DDX19B: variants seen among roughly 807,000 people sequenced by gnomAD.
The protein encoded by DDX19B is DEAD-box helicase 19B, also known as ATP-dependent RNA helicase DDX19B.
DDX19B carries 27 observed loss-of-function variants against 58.1 expected under a neutral mutation model. The observed-to-expected ratio is 0.46, with a 90% confidence interval of 0.34 to 0.64. The LOEUF is 0.64. Among genes scored for constraint, DDX19B ranks in the 30% least tolerant of loss-of-function variants. DDX19B has a pLI of 0.01. For synonymous variants in DDX19B, 187 were observed against 214.4 expected (o/e 0.87, Z 1.12); for missense variants, 399 against 596.5 (o/e 0.67, Z 3.45).
intron 1 of DDX19B, among the ~76,000 whole-genome samples, chr16:70,308,862 T>G (rs1251221845): frequency 1.3e-5 from 2 of 151,972 alleles, no homozygotes; most frequent in African/African-American, 2.4e-5. Context: ...TGTGCATGTT[T>G]GTTACATAGG....
chr16:70,303,051 C>T (rs1392106282), intron 1 of DDX19B, among the ~76,000 whole-genome samples: 3 of 152,180 alleles, frequency 2.0e-5, no homozygotes, highest in Non-Finnish European at 4.4e-5. Context: ...CTTTTCAAAC[C>T]TTTTGCCCAT....
At chr16:70,290,893 T>C (rs1019601235), upstream of DDX19B, among the ~76,000 whole-genome samples, 4 of 152,322 alleles carry the variant, frequency 2.6e-5, no homozygotes, top group South Asian at 8.3e-4. Flanking sequence ...CCAAAGCCCA[T>C]GCTCTTAACC....
upstream of DDX19B, among the ~76,000 whole-genome samples, chr16:70,297,362 A>C (rs996260684): frequency 6.6e-6 from 1 of 151,790 alleles, no homozygotes; most frequent in Admixed American, 6.6e-5. Flanking sequence ...ACAGGTGTGC[A>C]CCACCATGCT....
At chr16:70,304,306 T>C (rs1364024432) in intron 1 of DDX19B, among the ~76,000 whole-genome samples, 1 of 150,658 alleles carries the variant, frequency 6.6e-6, no homozygotes, top group Non-Finnish European at 1.5e-5. Context: ...CCCAAAGTGC[T>C]TGATTACAGG....
At chr16:70,332,308 T>C (rs1348016839) in intron 10 of DDX19B, among the ~76,000 whole-genome samples, 1 of 152,198 alleles carries the variant, frequency 6.6e-6, no homozygotes, top group East Asian at 1.9e-4. Flanking sequence ...AATGTATTTA[T>C]TTATTTTTTT....
upstream of DDX19B, among the ~76,000 whole-genome samples, chr16:70,297,255 C>T (rs1358188940): frequency 6.6e-6 from 1 of 151,680 alleles, no homozygotes. Context: ...ACTCGTCGCC[C>T]AGGCTGCAGT....
rs375232140 is a variant in DDX19B, at chr16:70,312,654, A to G, written c.103A>G (p.Asn35Asp). The change falls in exon 2 of 12, where the codon AAT (asparagine) becomes GAT (aspartate). Residue 35 changes from asparagine to aspartate, a missense_variant. Around this residue, in one of 4 missense-constraint regions of DDX19B, gnomAD observed 132 missense variants for 159.4 expected, o/e 0.83. Coordinates refer to ENST00000288071, the MANE Select transcript of DDX19B (RefSeq NM_007242.7). ...GGAAGAGAAAATCAAACCAGATACC[A>G]ATGGTAAGTAACTAATAGCTAGTTT... ...LKEEKIKPDT[N>D]GAVVKTNANA... 1.6e-5 allele frequency: 25 copies of G among 1,610,460 alleles called. No homozygotes were observed. The African/African-American group carries it at 3.1e-4, about 20-fold the overall frequency.
At chr16:70,298,480 C>T (rs1306415802), upstream of DDX19B, among the ~76,000 whole-genome samples, 1 of 151,704 alleles carries the variant, frequency 6.6e-6, no homozygotes, top group Non-Finnish European at 1.5e-5. Context: ...AATTATTTTA[C>T]TATTTTAATT....
chr16:70,300,844 A>C (rs566537495), intron 1 of DDX19B, among the ~76,000 whole-genome samples: 13 of 152,242 alleles, frequency 8.5e-5, no homozygotes, highest in Middle Eastern at 3.4e-3. Context: ...ACTTTTCTAT[A>C]AAATTTATTT....
In DDX19B at chr16:70,333,169, G is replaced by C. The variant is rs754968979; in HGVS notation, c.1378+10G>C. The C allele has an allele frequency of 7.3e-7, 1 of 1,374,574 alleles. No individual in the cohort carries two copies. The highest frequency in any genetic ancestry group is 1.4e-5 in the South Asian group (1 of 71,506). The allele number at this position is 1,374,574 out of a possible 1,614,324, so 85.1% of individuals were successfully genotyped here. The stretch of plus-strand genomic sequence containing the variant: ...ATCCAGGAGCATTTTAGTGAGTCCC[G>C]GGGAGGGTCCTGTGCCTGGCGCCCT... On this transcript the variant is annotated intron_variant, in intron 11 of 11. Coordinates refer to ENST00000288071, the MANE Select transcript of DDX19B (RefSeq NM_007242.7).
intron 5 of DDX19B, among the ~76,000 whole-genome samples, chr16:70,321,697 G>A (rs1472398251): frequency 6.6e-6 from 1 of 152,166 alleles, no homozygotes; most frequent in African/African-American, 2.4e-5. Flanking sequence ...TTAAAAGTGG[G>A]TAAAAGGGCA....
At position 70,331,852 on chromosome 16, in the gene DDX19B, A is replaced by T; in HGVS notation, c.1154A>T (p.Lys385Met). The change falls in exon 10 of 12, where the codon AAG (lysine) becomes ATG (methionine). Residue 385 changes from lysine (K) to methionine (M), a missense_variant. By Grantham distance (95) the Lys-to-Met change is moderately conservative. Around this residue, in one of 4 missense-constraint regions of DDX19B, gnomAD observed 198 missense variants for 345.9 expected, o/e 0.57. Transcript: ENST00000288071. ...VIERFREGKE[K>M]VLVTTNVCAR... ...GAGCGCTTCCGAGAGGGCAAAGAGAAGGTTTTGGTGACCACCAACGTGTGT... is the reference window on the plus strand; with the variant it reads ...GAGCGCTTCCGAGAGGGCAAAGAGATGGTTTTGGTGACCACCAACGTGTGT... 1 of 1,614,096 alleles carries T rather than the reference A, an allele frequency of 6.2e-7. No homozygotes were observed.
chr16:70,291,899 A>T (rs1325742222), upstream of DDX19B, among the ~76,000 whole-genome samples: 6 of 151,870 alleles, frequency 4.0e-5, no homozygotes, highest in Non-Finnish European at 8.8e-5. Flanking sequence ...TGTAATCCCA[A>T]CACTTTGGGA....
At chr16:70,332,848 G>A in intron 10 of DDX19B, 120 bp from the exon 11 acceptor site, 1 of 1,568,182 alleles carries the variant, frequency 6.4e-7, no homozygotes, top group Non-Finnish European at 8.7e-7. Context: ...TCAATGTCAT[G>A]CACGTCTCTT....
chr16:70,320,603 A>C (rs1205650370), intron 5 of DDX19B, among the ~76,000 whole-genome samples: 1 of 151,372 alleles, frequency 6.6e-6, no homozygotes, highest in Non-Finnish European at 1.5e-5. Context: ...GCTGGAGTGC[A>C]GTGGCGTGAT....
chr16:70,290,463 G>A (rs560597611), upstream of DDX19B, among the ~76,000 whole-genome samples: 3 of 152,238 alleles, frequency 2.0e-5, no homozygotes, highest in Non-Finnish European at 4.4e-5. Flanking sequence ...GGAGGCGGAA[G>A]TTGCGGTGAG....
chr16:70,330,032 G>T lies in DDX19B; in HGVS notation c.987G>T (p.Gly329=), dbSNP rs766370234. The part of the protein sequence containing the change: ...EKFQALCNLY[G]AITIAQAMIF... ...TCCAGGCCTTGTGTAACCTCTACGG[G>T]GCCATCACCATTGCTCAAGCCATGA... The change falls in exon 9 of 12, where the codon GGG becomes GGT. Residue 329 remains glycine, a synonymous_variant. Coordinates refer to ENST00000288071, the MANE Select transcript of DDX19B (RefSeq NM_007242.7). 6 of 1,613,956 alleles carry T rather than the reference G, an allele frequency of 3.7e-6. No homozygotes were observed. The highest frequency in any genetic ancestry group is 1.1e-5 in the South Asian group (1 of 91,076).
rs545014086 is a variant in DDX19B at position 70,320,235 on chromosome 16, G to C, written c.389+2647G>C. Reference sequence around the variant, plus strand: ...GCAATCCTCCTGCCTCAGCCTCCCAGGTAGCTAGGACTACAGGCACGTGCT... The same window carrying C: ...GCAATCCTCCTGCCTCAGCCTCCCACGTAGCTAGGACTACAGGCACGTGCT... On this transcript the variant is annotated intron_variant, in intron 5 of 11. Transcript: ENST00000288071. 6.6e-5 allele frequency among the ~76,000 whole-genome samples: 10 copies of C among 151,194 alleles called. No homozygotes were observed. The South Asian group carries it at 1.7e-3, about 25-fold the overall frequency.
At chr16:70,297,365 A>G (rs984207993), upstream of DDX19B, among the ~76,000 whole-genome samples, 1 of 151,950 alleles carries the variant, frequency 6.6e-6, no homozygotes, top group Non-Finnish European at 1.5e-5. Flanking sequence ...GGTGTGCACC[A>G]CCATGCTTGG....
Sources: allele counts gnomAD v4.1 joint callset (sites outside exome capture counted in the v4.1 genomes callset), GRCh38; gene constraint gnomAD v4.1.1; regional missense constraint gnomAD v4.1.1; transcripts MANE v1.5; gene names NCBI Gene and HGNC (gene_info 2026-07-23, HGNC 2026-07-21).